The following TRPS1 variants were observed in gnomAD, a reference collection of about 807,000 sequenced individuals.
The protein encoded by TRPS1 is transcriptional repressor GATA binding 1, also known as zinc finger transcription factor Trps1.
A neutral mutation model predicts 101.2 loss-of-function variants in TRPS1; 6 were observed. The ratio of observed to expected loss-of-function variants is 0.06; its 90% CI spans 0.03 to 0.12. TRPS1 has a LOEUF of 0.12. TRPS1 is among the 10% of genes least tolerant of loss of function. TRPS1 has a pLI of 1.00. For synonymous variants in TRPS1, 578 were observed against 589.8 expected, an observed-to-expected ratio of 0.98 and a Z score of 0.29; for missense variants, 1,363 against 1,567.0, an observed-to-expected ratio of 0.87 and a Z score of 2.20.
chr8:115,619,732 ATTTCTG>A lies in TRPS1; in HGVS notation c.360_365del (p.Arg121_Asn122del), dbSNP rs1329906587. Reference sequence around the variant, plus strand: ...CAGCTGGAGATGAGAAAGCCAACATATTTCTGTCTGTCACCTCATCATGCGGAAAGG... The same window carrying A: ...CAGCTGGAGATGAGAAAGCCAACATATCTGTCACCTCATCATGCGGAAAGG... On this transcript the variant is annotated inframe_deletion, in exon 3 of 7. Coordinates refer to ENST00000395715, the MANE Select transcript of TRPS1 (RefSeq NM_014112.5). 2 of 1,614,064 alleles carry A rather than the reference ATTTCTG, an allele frequency of 1.2e-6. No individual in the cohort carries two copies. The highest frequency in any genetic ancestry group is 1.7e-5 in the Admixed American group (1 of 60,020).
intron 5 of TRPS1, among the ~76,000 whole-genome samples, chr8:115,452,052 C>A (rs1275026894): frequency 6.6e-6 from 1 of 152,104 alleles, no homozygotes; most frequent in Non-Finnish European, 1.5e-5. Context: ...TATGTTCTCT[C>A]AAAGCTGTGT....
intron 5 of TRPS1, among the ~76,000 whole-genome samples, chr8:115,464,194 C>T (rs1465641780): frequency 6.6e-6 from 1 of 151,980 alleles, no homozygotes; most frequent in Non-Finnish European, 1.5e-5. Context: ...CACAGATTTT[C>T]CTACTTTTAA....
At chr8:115,521,668 T>TA (rs948807093) in intron 5 of TRPS1, among the ~76,000 whole-genome samples, 1 of 151,750 alleles carries the variant, frequency 6.6e-6, no homozygotes, top group Non-Finnish European at 1.5e-5. Context: ...TCCAAAAAAA[T>TA]AAAAAACACC....
In TRPS1 at chr8:115,576,217, T is replaced by C. The variant is rs960506342; in HGVS notation, c.2700+10784A>G. Among the ~76,000 whole-genome samples, 8 of 152,122 alleles carry C rather than the reference T, an allele frequency of 5.3e-5. No individual in the cohort carries two copies. In the South Asian group the frequency reaches 1.5e-3, roughly 28 times the overall value. ...AGCTTTCAGACTGTATGTGTGACAG[T>C]TGCTTATAACTTATGGATTCTCAGC... On this transcript the variant is annotated intron_variant, in intron 5 of 6. Coordinates refer to ENST00000395715, the MANE Select transcript of TRPS1 (RefSeq NM_014112.5).
chr8:115,538,524 C>T (rs1816376167), intron 5 of TRPS1, among the ~76,000 whole-genome samples: 2 of 151,452 alleles, frequency 1.3e-5, no homozygotes, highest in South Asian at 2.1e-4. Flanking sequence ...AAAGACAATC[C>T]AACTACCCAA....
chr8:115,415,013 G>T lies in TRPS1; in HGVS notation c.2895C>A (p.Arg965=), dbSNP rs200478295. The T allele has an allele frequency of 1.2e-5, 19 of 1,577,550 alleles. No individual in the cohort carries two copies. The highest frequency in any genetic ancestry group is 1.5e-5 in the Non-Finnish European group (18 of 1,168,214). Residue 965 remains arginine, a synonymous_variant, in exon 7 of 7, where the codon CGC becomes CGA. Transcript: ENST00000395715. ...EQIIRRRTRK[R]LNPEALQAEQ... is the part of the protein sequence containing the mutation. The stretch of plus-strand genomic sequence containing the variant: ...CAGCCTGAAGTGCCTCTGGGTTAAG[G>T]CGCTTTCTTGTTCTCCTCCTAATAA...
In TRPS1 at chr8:115,408,683, C is replaced by T. The variant is rs1246873544; in HGVS notation, c.*5340G>A. 2 of 151,336 alleles carry T rather than the reference C, an allele frequency of 1.3e-5. No homozygotes were observed. Among genetic ancestry groups the T allele is most frequent in the African/African-American group, 4.9e-5 (2 of 41,086 alleles). 9.4% of individuals were successfully genotyped at this position (151,336 alleles called of 1,614,324 possible). ...GTTGTAAGAACAGAACTATTATAGCCAACATTCTAGTATTCAAATCAGGAC... is the reference window on the plus strand; with the variant it reads ...GTTGTAAGAACAGAACTATTATAGCTAACATTCTAGTATTCAAATCAGGAC... On this transcript the variant is annotated 3_prime_UTR_variant, in exon 7 of 7. Transcript: ENST00000395715.
At chr8:115,476,380 A>T (rs1814607936) in intron 5 of TRPS1, among the ~76,000 whole-genome samples, 1 of 152,172 alleles carries the variant, frequency 6.6e-6, no homozygotes, top group African/African-American at 2.4e-5. Flanking sequence ...GTTGAACCTG[A>T]CTCATAAGTA....
At chr8:115,483,688 T>A (rs1452903050) in intron 5 of TRPS1, among the ~76,000 whole-genome samples, 3 of 152,134 alleles carry the variant, frequency 2.0e-5, no homozygotes, top group African/African-American at 7.2e-5. Flanking sequence ...CTGGTCTAAT[T>A]CCCAAACATT....
chr8:115,485,537 A>G (rs1191201599), intron 5 of TRPS1, among the ~76,000 whole-genome samples: 4 of 152,226 alleles, frequency 2.6e-5, no homozygotes, highest in Non-Finnish European at 5.9e-5. Flanking sequence ...CTTTAGTTTT[A>G]CAGTGTACCC....
At chr8:115,462,893 G>A (rs900593721) in intron 5 of TRPS1, among the ~76,000 whole-genome samples, 2 of 151,890 alleles carry the variant, frequency 1.3e-5, no homozygotes, top group African/African-American at 4.8e-5. Flanking sequence ...AGCCAGAAAG[G>A]ATACTGCCAA....
At chr8:115,533,436 G>GTTTTTTTTTTTTGTTTTTTTTTTT (rs1816189088) in intron 5 of TRPS1, among the ~76,000 whole-genome samples, 1 of 34,986 alleles carries the variant, frequency 2.9e-5, no homozygotes, top group African/African-American at 1.0e-4. Flanking sequence ...CATGTAATCT[G>GTTTTTTTTTTTTGTTTTTTTTTTT]TTTTTTTTTT....
intron 1 of TRPS1, among the ~76,000 whole-genome samples, chr8:115,665,690 G>A (rs1019372238): frequency 4.6e-5 from 7 of 152,126 alleles, no homozygotes; most frequent in African/African-American, 1.7e-4. Flanking sequence ...GAAATGCTAA[G>A]TTCTAAATTC....
chr8:115,556,774 T>A (rs1816830428), intron 5 of TRPS1, among the ~76,000 whole-genome samples: 1 of 152,178 alleles, frequency 6.6e-6, no homozygotes, highest in South Asian at 2.1e-4. Flanking sequence ...TCATGTCTAG[T>A]GGCATTTCCT....
At chr8:115,636,986 T>C (rs1468906706) in intron 1 of TRPS1, among the ~76,000 whole-genome samples, 1 of 152,076 alleles carries the variant, frequency 6.6e-6, no homozygotes, top group Non-Finnish European at 1.5e-5. Context: ...AAATGTTTGC[T>C]ATCTTTTATT....
chr8:115,483,832 C>A (rs1301206344), intron 5 of TRPS1, among the ~76,000 whole-genome samples: 1 of 152,112 alleles, frequency 6.6e-6, no homozygotes. Context: ...AGAAATTACA[C>A]CACAATCAGC....
chr8:115,509,268 G>A (rs1045078133), intron 5 of TRPS1, among the ~76,000 whole-genome samples: 2 of 151,908 alleles, frequency 1.3e-5, no homozygotes, highest in African/African-American at 4.8e-5. Flanking sequence ...GGCAAAGCTG[G>A]GAATCACACT....
At chr8:115,640,551 T>G (rs918588024) in intron 1 of TRPS1, among the ~76,000 whole-genome samples, 1 of 152,196 alleles carries the variant, frequency 6.6e-6, no homozygotes, top group African/African-American at 2.4e-5. Flanking sequence ...TTCACAGGAA[T>G]AAGCAAATCA....
At chr8:115,430,931 T>TA (rs1174306605) in intron 5 of TRPS1, among the ~76,000 whole-genome samples, 6 of 151,598 alleles carry the variant, frequency 4.0e-5, no homozygotes, top group African/African-American at 1.2e-4. Flanking sequence ...AATTTTATAT[T>TA]AAAAAACTGA....
Sources: gnomAD v4.1 joint callset for allele counts (sites outside exome capture counted in the v4.1 genomes callset) on GRCh38, gnomAD v4.1.1 for gene constraint, MANE v1.5 for transcripts, NCBI Gene and HGNC (gene_info 2026-07-23, HGNC 2026-07-21) for gene names.